TCTN3: variants seen among roughly 807,000 people sequenced by gnomAD.
TCTN3 encodes the protein tectonic-3.
Under a neutral mutation model 71.3 loss-of-function variants are expected in TCTN3, and 57 were observed. The observed-to-expected ratio is 0.80, with a 90% CI of 0.65 to 1.00. The LOEUF is 1.00. TCTN3 is among the 50% of genes least tolerant of loss of function. The pLI is 0.00. For missense variants in TCTN3, 696 were observed against 719.9 expected (o/e 0.97, Z 0.38); for synonymous variants, 258 against 267.8 (o/e 0.96, Z 0.36).
intron 12 of TCTN3, 150 bp from the exon 13 acceptor site, chr10:95,680,759 C>T: frequency 2.7e-6 from 2 of 742,088 alleles, no homozygotes; most frequent in Non-Finnish European, 4.1e-6. Flanking sequence ...CACAATAAGA[C>T]TATGTTATTA....
intron 13 of TCTN3, among the ~76,000 whole-genome samples, chr10:95,673,471 G>C (rs2097933730): frequency 6.6e-6 from 1 of 152,110 alleles, no homozygotes; most frequent in African/African-American, 2.4e-5. Flanking sequence ...TTGAGGTACA[G>C]ATGGTTTTTG....
intron 13 of TCTN3, among the ~76,000 whole-genome samples, chr10:95,676,238 C>A (rs979430341): frequency 9.9e-5 from 15 of 151,530 alleles, no homozygotes; most frequent in African/African-American, 3.6e-4. Context: ...CCAGAATAAA[C>A]CAGAATAGAA....
chr10:95,667,403 G>C (rs897021087), intron 13 of TCTN3, among the ~76,000 whole-genome samples: 2 of 152,238 alleles, frequency 1.3e-5, no homozygotes, highest in South Asian at 4.2e-4. Flanking sequence ...GTTTAACAGA[G>C]AGAAAGAAGG....
intron 3 of TCTN3, 79 bp from the exon 4 acceptor site, chr10:95,687,798 T>C (rs1207900340): frequency 8.6e-6 from 13 of 1,511,146 alleles, no homozygotes; most frequent in African/African-American, 1.4e-5. Context: ...AATATTTTTA[T>C]TGAAGCATAA....
At chr10:95,693,618 T>C (rs1264224816) in intron 1 of TCTN3, 26 bp downstream of exon 1, 1 of 1,548,434 alleles carries the variant, frequency 6.5e-7, no homozygotes, top group African/African-American at 1.4e-5. Flanking sequence ...GAAGTAAGTT[T>C]CCACCCCCAC....
chr10:95,677,955 G>A (rs542161505), intron 13 of TCTN3, among the ~76,000 whole-genome samples: 1 of 152,182 alleles, frequency 6.6e-6, no homozygotes, highest in African/African-American at 2.4e-5. Flanking sequence ...AATGCTTTGT[G>A]GGCCAAACAA....
At chr10:95,674,289 T>A (rs545458756) in intron 13 of TCTN3, among the ~76,000 whole-genome samples, 2 of 152,310 alleles carry the variant, frequency 1.3e-5, no homozygotes, top group Non-Finnish European at 2.9e-5. Context: ...TTCCATGATA[T>A]TGTAAATGAA....
Position 95,670,061 on chromosome 10 carries a change from C to CAA in TCTN3, c.1591-5763_1591-5762dup, listed in dbSNP as rs34609339. Among the ~76,000 whole-genome samples, 228 of 80,246 alleles carry CAA rather than the reference C, an allele frequency of 2.8e-3. 2 individuals carry two copies. The highest frequency in any genetic ancestry group is 3.1e-3 in the Non-Finnish European group (132 of 42,638). The allele number at this position is 80,246 out of a possible 152,430, so 52.6% of individuals were successfully genotyped here. A position where few individuals can be genotyped will look rare whatever the true frequency, so the allele number is the denominator to read the frequency against. Reference sequence around the variant, plus strand: ...CCTGGGCGACAGCGAGACTCCGTCTCAAAAAAAAAAAAAAAAAAAAAAAGA... The same window carrying CAA: ...CCTGGGCGACAGCGAGACTCCGTCTCAAAAAAAAAAAAAAAAAAAAAAAAAGA... On this transcript the variant is annotated intron_variant, in intron 13 of 13. Transcript: ENST00000371217.
intron 7 of TCTN3, among the ~76,000 whole-genome samples, chr10:95,685,908 G>T (rs547823303): frequency 2.0e-4 from 30 of 152,162 alleles, no homozygotes; most frequent in Non-Finnish European, 3.8e-4. Context: ...ATTCCCCTTA[G>T]AGATTAATAA....
At chr10:95,683,478 T>C in intron 10 of TCTN3, 44 bp downstream of exon 10, 1 of 1,614,130 alleles carries the variant, frequency 6.2e-7, no homozygotes, top group Non-Finnish European at 8.5e-7. Flanking sequence ...TTTGCAGCTT[T>C]TCTCATTAGG....
At chr10:95,680,862 T>C (rs1021949359) in intron 12 of TCTN3, among the ~76,000 whole-genome samples, 1 of 150,150 alleles carries the variant, frequency 6.7e-6, no homozygotes, top group Non-Finnish European at 1.5e-5. Context: ...CACTGCAACC[T>C]TTGCCTCCCA....
intron 6 of TCTN3, 108 bp from the exon 7 acceptor site, chr10:95,686,638 T>C: frequency 9.7e-7 from 1 of 1,035,620 alleles, no homozygotes; most frequent in Non-Finnish European, 1.5e-6. Context: ...GGCAGGGGAG[T>C]CAATATATTA....
chr10:95,682,490 T>C (rs1185145292), intron 12 of TCTN3, among the ~76,000 whole-genome samples, 161 bp downstream of exon 12: 2 of 150,162 alleles, frequency 1.3e-5, no homozygotes, highest in African/African-American at 4.9e-5. Flanking sequence ...TGAGACTCCA[T>C]CTCAAAAAAA....
At chr10:95,688,378 G>A (rs1485695297) in intron 3 of TCTN3, among the ~76,000 whole-genome samples, 2 of 107,800 alleles carry the variant, frequency 1.9e-5, no homozygotes, top group East Asian at 3.3e-4. Context: ...CAACAAGAGC[G>A]AAACTCTGTC....
Position 95,680,501 on chromosome 10 carries a change from G to A in TCTN3, c.1561C>T (p.Arg521Ter), listed in dbSNP as rs763433183. The change falls in exon 13 of 14, where the codon CGA becomes TGA. Residue 521 changes from arginine to a stop codon, truncating the protein, a stop_gained. Transcript: ENST00000371217. LOFTEE classifies it high-confidence loss of function. ...ATAGACTGGCACTGGTATAGGAATC[G>A]AACTCCTGATACATGAGCTTGCGGG... ...SNPQAHVSGVRFLYQCQSIQD... is the reference protein window; with the variant it reads ...SNPQAHVSGV 5 of 1,613,946 alleles carry A rather than the reference G, an allele frequency of 3.1e-6. No individual in the cohort carries two copies. The highest frequency in any genetic ancestry group is 1.1e-5 in the South Asian group (1 of 91,084).
At position 95,680,628 on chromosome 10, in the gene TCTN3, G is replaced by A. The variant is rs1566070577; in HGVS notation, c.1453-19C>T. The A allele has an allele frequency of 6.2e-7, 1 of 1,609,838 alleles. No homozygotes were observed. Among genetic ancestry groups the A allele is most frequent in the Non-Finnish European group, 8.5e-7 (1 of 1,178,164 alleles). ...TTATAGCCTGCAGAAGGGTAAAGAAGCATCTGCTTGAATTGCCTGATGGTT... is the reference window on the plus strand; with the variant it reads ...TTATAGCCTGCAGAAGGGTAAAGAAACATCTGCTTGAATTGCCTGATGGTT... On this transcript the variant is annotated intron_variant, in intron 12 of 13. Transcript: ENST00000371217.
intron 3 of TCTN3, among the ~76,000 whole-genome samples, chr10:95,689,169 C>G (rs528017454): frequency 9.8e-5 from 15 of 152,314 alleles, no homozygotes; most frequent in African/African-American, 3.6e-4. Context: ...CACACATCTC[C>G]TAGATCCTTC....
chr10:95,690,558 T>C (rs2097952573), intron 3 of TCTN3, among the ~76,000 whole-genome samples: 1 of 151,940 alleles, frequency 6.6e-6, no homozygotes, highest in Non-Finnish European at 1.5e-5. Context: ...GAAAAGCAAA[T>C]ACAAACTTGG....
At chr10:95,691,721 C>T (rs2097953681) in intron 3 of TCTN3, among the ~76,000 whole-genome samples, 1 of 152,166 alleles carries the variant, frequency 6.6e-6, no homozygotes, top group African/African-American at 2.4e-5. Context: ...GATAGATTAG[C>T]TTCATATCTT....
Sources: gnomAD v4.1 joint callset for allele counts (sites outside exome capture counted in the v4.1 genomes callset) on GRCh38, gnomAD v4.1.1 for gene constraint, MANE v1.5 for transcripts, NCBI Gene and HGNC (gene_info 2026-07-23, HGNC 2026-07-21) for gene names.